Variants in LGR5 observed in about 807,000 individuals in gnomAD.
LGR5 encodes the protein leucine-rich repeat-containing G protein-coupled receptor 5.
LGR5 carries 54 observed loss-of-function variants against 76.7 expected under a neutral mutation model. The ratio of observed to expected loss-of-function variants is 0.70; its 90% CI spans 0.57 to 0.88. The LOEUF (loss-of-function observed/expected upper bound fraction) is 0.88, where lower values mean the gene tolerates loss of function less well. Ranked by LOEUF, LGR5 falls within the 40% of genes least tolerant of loss-of-function variation. The probability of loss-of-function intolerance (pLI) is 0.00; values close to 1 mark genes in which losing one functional copy is unlikely to be tolerated. For missense variants in LGR5, 1,078 were observed against 1,073.3 expected (o/e 1.00, Z -0.06); for synonymous variants, 406 against 421.9 (o/e 0.96, Z 0.46).
At chr12:71,526,798 G>C (rs185162584) in intron 3 of LGR5, among the ~76,000 whole-genome samples, 8 of 152,230 alleles carry the variant, frequency 5.3e-5, no homozygotes, top group African/African-American at 1.7e-4. Context: ...TAGGAGAGAG[G>C]CTTTCCCAGA....
Position 71,519,658 on chromosome 12 carries a change from A to G in LGR5, c.285-4748A>G, listed in dbSNP as rs554007182. The stretch of plus-strand genomic sequence containing the variant: ...TACCAAAAAAAACAAAAAACAAAAA[A>G]CAAAAAAAACCACAAAAATTAGCCA... On this transcript the variant is annotated intron_variant, in intron 2 of 17. Transcript: ENST00000266674. 4.0e-3 allele frequency among the ~76,000 whole-genome samples: 601 copies of G among 151,216 alleles called. 6 individuals carry two copies. Among genetic ancestry groups the G allele is most frequent in the African/African-American group, 0.013 (546 of 40,964 alleles).
chr12:71,496,592 C>T (rs1243141617), intron 1 of LGR5, among the ~76,000 whole-genome samples: 1 of 152,096 alleles, frequency 6.6e-6, no homozygotes, highest in Non-Finnish European at 1.5e-5. Context: ...ATGTACCTAA[C>T]AAATATGTAC....
chr12:71,519,598 A>G (rs1875625155), intron 2 of LGR5, among the ~76,000 whole-genome samples: 1 of 151,944 alleles, frequency 6.6e-6, no homozygotes, highest in African/African-American at 2.4e-5. Context: ...CAGGAATTTG[A>G]GACCAGCCTG....
At position 71,584,328 on chromosome 12, in the gene LGR5, TCAC is replaced by T. The variant is rs1163908790; in HGVS notation, c.2321_2323del (p.Thr774del). 1.9e-6 allele frequency: 3 copies of T among 1,614,116 alleles called. No homozygotes were observed. Among genetic ancestry groups the T allele is most frequent in the African/African-American group, 2.7e-5 (2 of 74,942 alleles). On this transcript the variant is annotated inframe_deletion, in exon 18 of 18. Coordinates refer to ENST00000266674, the MANE Select transcript of LGR5 (RefSeq NM_003667.4). ...GTAAAACACATTGCCCTGTTGCTCTTCACCAACTGCATCCTAAACTGCCCTGTG... is the reference window on the plus strand; with the variant it reads ...GTAAAACACATTGCCCTGTTGCTCTTCAACTGCATCCTAAACTGCCCTGTG...
chr12:71,518,338 AG>A (rs1325871670), intron 2 of LGR5, among the ~76,000 whole-genome samples: 1 of 152,226 alleles, frequency 6.6e-6, no homozygotes, highest in Non-Finnish European at 1.5e-5. Context: ...GTAATTAAAA[AG>A]TCAAAACATA....
intron 2 of LGR5, among the ~76,000 whole-genome samples, chr12:71,506,709 G>C (rs1448855657): frequency 6.6e-6 from 1 of 152,108 alleles, no homozygotes; most frequent in Non-Finnish European, 1.5e-5. Flanking sequence ...TGGCTGACTT[G>C]CTGAATTTAA....
chr12:71,509,979 C>G (rs1489411679), intron 2 of LGR5, among the ~76,000 whole-genome samples: 1 of 152,144 alleles, frequency 6.6e-6, no homozygotes, highest in Non-Finnish European at 1.5e-5. Context: ...AAAGCATAAT[C>G]TAGGCTTGTT....
At chr12:71,524,350 T>C in intron 2 of LGR5, 56 bp from the exon 3 acceptor site, 1 of 1,240,832 alleles carries the variant, frequency 8.1e-7, no homozygotes, top group South Asian at 1.3e-5. Flanking sequence ...AACAACTAAA[T>C]GACTTCCACA....
At chr12:71,460,691 G>T (rs578103341) in intron 1 of LGR5, among the ~76,000 whole-genome samples, 1 of 152,148 alleles carries the variant, frequency 6.6e-6, no homozygotes, top group East Asian at 1.9e-4. Flanking sequence ...AAAAGTGGAG[G>T]CAGAATCAGA....
chr12:71,447,790 T>C (rs1872071611), intron 1 of LGR5, among the ~76,000 whole-genome samples: 1 of 152,200 alleles, frequency 6.6e-6, no homozygotes, highest in Non-Finnish European at 1.5e-5. Flanking sequence ...GGAGAGACTG[T>C]GGAACTGGCT....
chr12:71,578,116 C>A, intron 14 of LGR5, 120 bp downstream of exon 14: 1 of 717,656 alleles, frequency 1.4e-6, no homozygotes, highest in Non-Finnish European at 2.4e-6. Context: ...CCTCTGTGTT[C>A]TCCATGCCTA....
At chr12:71,556,432 G>A (rs1307399363) in intron 5 of LGR5, among the ~76,000 whole-genome samples, 187 bp from the exon 6 acceptor site, 1 of 152,266 alleles carries the variant, frequency 6.6e-6, no homozygotes, top group African/African-American at 2.4e-5. Context: ...AACTGTGACT[G>A]TCTTTTAAAT....
chr12:71,576,503 C>T (rs1878862030), intron 13 of LGR5, among the ~76,000 whole-genome samples: 1 of 152,104 alleles, frequency 6.6e-6, no homozygotes, highest in Non-Finnish European at 1.5e-5. Flanking sequence ...CCTCCCTTTC[C>T]TTCTGGGGCT....
At chr12:71,442,014 T>G (rs1216404532) in intron 1 of LGR5, 1 of 152,402 alleles carries the variant, frequency 6.6e-6, no homozygotes, top group Middle Eastern at 3.4e-3. Context: ...CTTGGCAGCC[T>G]ATAACTCCTC....
At chr12:71,480,712 G>A (rs1873558783) in intron 1 of LGR5, among the ~76,000 whole-genome samples, 1 of 152,168 alleles carries the variant, frequency 6.6e-6, no homozygotes, top group South Asian at 2.1e-4. Context: ...CTAATCCAGT[G>A]GATTAGGACT....
chr12:71,549,943 G>C (rs142557751), intron 4 of LGR5, among the ~76,000 whole-genome samples: 1 of 152,154 alleles, frequency 6.6e-6, no homozygotes, highest in Non-Finnish European at 1.5e-5. Context: ...TTTTTTCTGG[G>C]GGGAAAAGAA....
intron 6 of LGR5, among the ~76,000 whole-genome samples, chr12:71,556,987 C>A (rs1297685883): frequency 6.6e-6 from 1 of 152,218 alleles, no homozygotes; most frequent in Non-Finnish European, 1.5e-5. Context: ...TGTCAAGGAT[C>A]ACTCAGGCTC....
intron 4 of LGR5, among the ~76,000 whole-genome samples, chr12:71,546,138 C>T (rs960422003): frequency 6.6e-6 from 1 of 151,910 alleles, no homozygotes; most frequent in Non-Finnish European, 1.5e-5. Context: ...CATGGGGAAA[C>T]CCTGTCTCTA....
At chr12:71,480,520 T>G (rs1873549769) in intron 1 of LGR5, among the ~76,000 whole-genome samples, 1 of 152,102 alleles carries the variant, frequency 6.6e-6, no homozygotes, top group Admixed American at 6.6e-5. Context: ...CAGCAAAGCC[T>G]GGGAGCAGAA....
Sources: gnomAD v4.1 joint callset for allele counts (sites outside exome capture counted in the v4.1 genomes callset) on GRCh38, gnomAD v4.1.1 for gene constraint, MANE v1.5 for transcripts, NCBI Gene and HGNC (gene_info 2026-07-23, HGNC 2026-07-21) for gene names.